NFIB: variants seen among roughly 807,000 people sequenced by gnomAD.
NFIB encodes nuclear factor 1 B-type.
NFIB carries 11 observed loss-of-function variants against 61.5 expected under a neutral mutation model. That is an observed-to-expected ratio of 0.18 (90% CI 0.11 to 0.30). The LOEUF (loss-of-function observed/expected upper bound fraction) is 0.30, where lower values mean the gene tolerates loss of function less well. Among genes scored for constraint, NFIB ranks in the 10% least tolerant of loss-of-function variants. The probability of loss-of-function intolerance (pLI) is 1.00; values close to 1 mark genes in which losing one functional copy is unlikely to be tolerated. For synonymous variants in NFIB, 260 were observed against 216.5 expected, an observed-to-expected ratio of 1.20 and a Z score of -1.76; for missense variants, 471 against 608.9, an observed-to-expected ratio of 0.77 and a Z score of 2.38.
At chr9:14,295,712 C>A (rs893781306) in intron 2 of NFIB, among the ~76,000 whole-genome samples, 8 of 152,140 alleles carry the variant, frequency 5.3e-5, no homozygotes, top group African/African-American at 1.9e-4. Context: ...CGAAACAAAT[C>A]TAAAACGTAA....
chr9:14,082,778 A>G lies in NFIB; in HGVS notation c.*5531T>C, dbSNP rs1156277313. On this transcript the variant is annotated 3_prime_UTR_variant, in exon 11 of 11. Transcript: ENST00000380953. Reference sequence around the variant, plus strand: ...TAAAAAGCCATACTTCTTAAAAAAAAAAAAAAGAAAAAAAAAGACTTCCTT... The same window carrying G: ...TAAAAAGCCATACTTCTTAAAAAAAGAAAAAAGAAAAAAAAAGACTTCCTT... The G allele has an allele frequency of 1.5e-5, 3 of 198,428 alleles. No individual in the cohort carries two copies. The highest frequency in any genetic ancestry group is 1.6e-4 in the East Asian group (2 of 12,882). 12.3% of individuals were successfully genotyped at this position (198,428 alleles called of 1,614,324 possible). A position where few individuals can be genotyped will look rare whatever the true frequency, so the allele number is the denominator to read the frequency against.
chr9:14,425,599 G>A, the NFIB span, among the ~76,000 whole-genome samples: 1 of 142,548 alleles, frequency 7.0e-6, no homozygotes, highest in African/African-American at 2.6e-5. Context: ...TTTCAGCATT[G>A]CTACATAATT....
intron 2 of NFIB, among the ~76,000 whole-genome samples, chr9:14,192,752 T>C (rs1284292084): frequency 6.6e-6 from 1 of 152,186 alleles, no homozygotes; most frequent in Non-Finnish European, 1.5e-5. Flanking sequence ...AGTAGATTCC[T>C]ACTGATGCTA....
chr9:14,240,932 G>A (rs558705976), intron 2 of NFIB, among the ~76,000 whole-genome samples: 3 of 152,310 alleles, frequency 2.0e-5, no homozygotes, highest in Admixed American at 2.0e-4. Context: ...AGAAAGCCAG[G>A]ACCAACTAAA....
the NFIB span, among the ~76,000 whole-genome samples, chr9:14,500,477 C>T: frequency 6.6e-6 from 1 of 152,130 alleles, no homozygotes; most frequent in Non-Finnish European, 1.5e-5. Flanking sequence ...GTGAGAGTTG[C>T]TCAGGGAAAC....
intron 2 of NFIB, among the ~76,000 whole-genome samples, chr9:14,182,346 G>A (rs149382346): frequency 1.2e-3 from 185 of 152,236 alleles, no homozygotes; most frequent in African/African-American, 4.2e-3. Context: ...ATGAAATAAA[G>A]CAGTGTATAC....
At chr9:14,413,531 T>C in the NFIB span, among the ~76,000 whole-genome samples, 1 of 152,174 alleles carries the variant, frequency 6.6e-6, no homozygotes, top group East Asian at 1.9e-4. Context: ...GGGTTTTTTA[T>C]CTGTAAAGTG....
Position 14,313,331 on chromosome 9 carries a change from C to G in NFIB, c.30+151G>C, listed in dbSNP as rs1463319917. On this transcript the variant is annotated intron_variant, in intron 1 of 10. Transcript: ENST00000380953. This position sits in a 1 kb window ranked among gnomAD's most constrained non-coding sequence, Gnocchi z 4.5. ...GAGGGGCCGCTCCCGGCTCCCACGC[C>G]GCCCCGCGACGCCCGCTGCAACTCC... 4.6e-6 allele frequency: 5 copies of G among 1,094,912 alleles called. No homozygotes were observed. The African/African-American group carries it at 6.6e-5, about 15-fold the overall frequency. The allele number at this position is 1,094,912 out of a possible 1,614,324, so 67.8% of individuals were successfully genotyped here.
intron 6 of NFIB, 94 bp from the exon 7 acceptor site, chr9:14,125,860 AGTATT>A: frequency 6.6e-7 from 1 of 1,507,972 alleles, no homozygotes; most frequent in Non-Finnish European, 8.9e-7. Context: ...GCAACATTTT[AGTATT>A]CTTATACTTT....
chr9:14,336,870 T>A (rs944213491), intron 1 of NFIB, among the ~76,000 whole-genome samples: 3 of 152,162 alleles, frequency 2.0e-5, no homozygotes, highest in Non-Finnish European at 2.9e-5. Context: ...GTTTTGCAGG[T>A]CATACACTCT....
intron 1 of NFIB, among the ~76,000 whole-genome samples, chr9:14,351,083 G>T (rs2061105191): frequency 6.6e-6 from 1 of 152,178 alleles, no homozygotes; most frequent in Non-Finnish European, 1.5e-5. Context: ...TCTTTAGTTG[G>T]TTTTCAGGAG....
chr9:14,295,524 G>C (rs373308616), intron 2 of NFIB, among the ~76,000 whole-genome samples: 1 of 151,948 alleles, frequency 6.6e-6, no homozygotes, highest in Non-Finnish European at 1.5e-5. Context: ...CCAGCTACTC[G>C]GCAAGCTGAG....
At chr9:14,395,096 G>A (rs76364123) in intron 1 of NFIB, among the ~76,000 whole-genome samples, 1,541 of 152,056 alleles carry the variant, frequency 0.01, 30 homozygotes, top group African/African-American at 0.035. Flanking sequence ...TACTAGACTG[G>A]TGTCTGGTGG....
chr9:14,379,167 C>A (rs1196546109), intron 1 of NFIB, among the ~76,000 whole-genome samples: 3 of 152,170 alleles, frequency 2.0e-5, no homozygotes, highest in African/African-American at 7.2e-5. Flanking sequence ...TATTACTTCA[C>A]CCCATATCGT....
intron 2 of NFIB, among the ~76,000 whole-genome samples, chr9:14,182,033 C>T (rs1043931505): frequency 4.6e-5 from 7 of 152,188 alleles, no homozygotes; most frequent in Non-Finnish European, 1.0e-4. Context: ...CTCTTCCATT[C>T]GTAAGAAACT....
At chr9:14,245,098 C>A (rs949754999) in intron 2 of NFIB, among the ~76,000 whole-genome samples, 1 of 152,138 alleles carries the variant, frequency 6.6e-6, no homozygotes. Flanking sequence ...AAATTCAGAC[C>A]TGTATTTTCA....
chr9:14,505,931 G>T, the NFIB span, among the ~76,000 whole-genome samples: 4 of 152,150 alleles, frequency 2.6e-5, no homozygotes, highest in African/African-American at 9.7e-5. Context: ...TATTTTTTGA[G>T]CCACTCTACT....
At chr9:14,517,906 A>G in the NFIB span, among the ~76,000 whole-genome samples, 1 of 152,178 alleles carries the variant, frequency 6.6e-6, no homozygotes, top group Non-Finnish European at 1.5e-5. Flanking sequence ...AAGAAACTGC[A>G]CCAGCTTCAA....
At chr9:14,123,946 T>C (rs2039300606) in intron 7 of NFIB, among the ~76,000 whole-genome samples, 1 of 152,208 alleles carries the variant, frequency 6.6e-6, no homozygotes, top group Non-Finnish European at 1.5e-5. Flanking sequence ...CATCACACTT[T>C]AGCTCAGAAC....
Sources: gnomAD v4.1 joint callset for allele counts (sites outside exome capture counted in the v4.1 genomes callset) on GRCh38, gnomAD v4.1.1 for gene constraint, Gnocchi (gnomAD v3.1) non-coding constraint, MANE v1.5 for transcripts, NCBI Gene and HGNC (gene_info 2026-07-23, HGNC 2026-07-21) for gene names.